Variants in NBEA observed in about 807,000 individuals in gnomAD.
NBEA encodes the protein lysosomal-trafficking regulator 2.
NBEA carries 44 observed loss-of-function variants against 343.4 expected under a neutral mutation model. The ratio of observed to expected loss-of-function variants is 0.13; its 90% CI spans 0.10 to 0.16. The LOEUF is 0.16. Among genes scored for constraint, NBEA ranks in the 10% least tolerant of loss-of-function variants. The probability of loss-of-function intolerance (pLI) is 1.00; values close to 1 mark genes in which losing one functional copy is unlikely to be tolerated. For synonymous variants in NBEA, 1,175 were observed against 1,238.7 expected (o/e 0.95, Z 1.08); for missense variants, 2,555 against 3,631.3 (o/e 0.70, Z 7.62).
chr13:35,371,411 A>G (rs1196744567), intron 38 of NBEA, among the ~76,000 whole-genome samples: 1 of 151,324 alleles, frequency 6.6e-6, no homozygotes, highest in Non-Finnish European at 1.5e-5. Context: ...AAGCTTTCTA[A>G]TGTATTTTTT....
At chr13:35,121,579 T>C (rs2066802317) in intron 16 of NBEA, among the ~76,000 whole-genome samples, 1 of 151,812 alleles carries the variant, frequency 6.6e-6, no homozygotes, top group African/African-American at 2.4e-5. Context: ...TGGATTTCAG[T>C]GTAAACCCAT....
At chr13:35,524,753 T>G (rs1221532905) in intron 41 of NBEA, among the ~76,000 whole-genome samples, 1 of 152,214 alleles carries the variant, frequency 6.6e-6, no homozygotes, top group African/African-American at 2.4e-5. Flanking sequence ...GATTTATGTA[T>G]CATAGAAAAG....
At chr13:35,207,093 A>G (rs1306222924) in intron 31 of NBEA, among the ~76,000 whole-genome samples, 1 of 152,062 alleles carries the variant, frequency 6.6e-6, no homozygotes, top group Non-Finnish European at 1.5e-5. Context: ...ATTTAAGATT[A>G]TAATACCTTA....
chr13:35,490,609 T>C lies in NBEA; in HGVS notation c.6585+18073T>C, dbSNP rs550395840. Among the ~76,000 whole-genome samples, 22 of 152,112 alleles carry C rather than the reference T, an allele frequency of 1.4e-4. No individual in the cohort carries two copies. In the South Asian group the frequency reaches 4.6e-3, roughly 32 times the overall value. The stretch of plus-strand genomic sequence containing the variant: ...TCGAAAACATGTCTTAGGAACTTGA[T>C]GAAAAGTTGCAGGTCATTTTTTTAA... On this transcript the variant is annotated intron_variant, in intron 41 of 58. Coordinates refer to ENST00000379939, the MANE Select transcript of NBEA (RefSeq NM_001385012.1).
At chr13:35,376,801 A>T (rs752292778) in intron 38 of NBEA, among the ~76,000 whole-genome samples, 28 of 152,222 alleles carry the variant, frequency 1.8e-4, no homozygotes, top group South Asian at 4.2e-4. Flanking sequence ...GGGGTTTTGA[A>T]GTTGTGGGCA....
chr13:34,976,681 G>T (rs1478639146), intron 1 of NBEA, among the ~76,000 whole-genome samples: 1 of 144,944 alleles, frequency 6.9e-6, no homozygotes, highest in African/African-American at 2.6e-5. Flanking sequence ...ATGGAGCAGA[G>T]ACTCAGACAA....
At chr13:35,592,068 ATAAGAACAACC>A (rs1225119637) in intron 46 of NBEA, among the ~76,000 whole-genome samples, 1 of 152,134 alleles carries the variant, frequency 6.6e-6, no homozygotes, top group African/African-American at 2.4e-5. Flanking sequence ...CATCAAAAAC[ATAAGAACAACC>A]TAAGAACTCC....
chr13:35,341,400 T>A (rs968963909), intron 36 of NBEA, among the ~76,000 whole-genome samples: 3 of 152,030 alleles, frequency 2.0e-5, no homozygotes, highest in Admixed American at 1.3e-4. Flanking sequence ...TTGATAGTCA[T>A]CAAAATTTAA....
chr13:35,637,583 G>A (rs2083746902), intron 49 of NBEA, among the ~76,000 whole-genome samples: 1 of 152,092 alleles, frequency 6.6e-6, no homozygotes, highest in Non-Finnish European at 1.5e-5. Context: ...CAGCACTTTG[G>A]GAGGCTGAGG....
chr13:35,665,091 A>G lies in NBEA; in HGVS notation c.8369A>G (p.Tyr2790Cys), dbSNP rs1431620732. Residue 2790 changes from tyrosine (Y) to cysteine (C), a missense_variant, in exon 56 of 59, where the codon TAT becomes TGT. Physicochemically the swap from Tyr to Cys is radical, Grantham distance 194 (BLOSUM62 -2). Coordinates refer to ENST00000379939, the MANE Select transcript of NBEA (RefSeq NM_001385012.1). ...IIGDNPNSSD[Y>C]PAPRAVLTGH... is the part of the protein sequence containing the mutation. Reference sequence around the variant, plus strand: ...TGCTGCTGTTTTCTTGCAGGTGACTATCCGGCACCAAGAGCCGTCCTCACA... The same window carrying G: ...TGCTGCTGTTTTCTTGCAGGTGACTGTCCGGCACCAAGAGCCGTCCTCACA... 1 of 1,568,800 alleles carries G rather than the reference A, an allele frequency of 6.4e-7. No individual in the cohort carries two copies. The highest frequency in any genetic ancestry group is 1.2e-5 in the South Asian group (1 of 85,386).
chr13:35,126,567 A>G (rs1016124512), intron 17 of NBEA, among the ~76,000 whole-genome samples: 7 of 152,198 alleles, frequency 4.6e-5, no homozygotes, highest in African/African-American at 1.7e-4. Context: ...ATAGATGAAA[A>G]TATGAGTTTA....
chr13:35,166,058 T>G (rs2070000357), intron 24 of NBEA, among the ~76,000 whole-genome samples: 1 of 152,164 alleles, frequency 6.6e-6, no homozygotes, highest in Non-Finnish European at 1.5e-5. Context: ...CTTGATCATA[T>G]AAATTGCATT....
chr13:35,219,016 A>T (rs1236291256), intron 33 of NBEA, among the ~76,000 whole-genome samples: 1 of 152,096 alleles, frequency 6.6e-6, no homozygotes, highest in Admixed American at 6.6e-5. Flanking sequence ...TTAGTTACAG[A>T]TCTCCCAAAA....
At chr13:35,527,875 G>A (rs537773336) in intron 41 of NBEA, among the ~76,000 whole-genome samples, 13 of 152,156 alleles carry the variant, frequency 8.5e-5, no homozygotes, top group African/African-American at 2.4e-4. Flanking sequence ...CGCATCAGCC[G>A]GAGGCTTCCC....
chr13:35,408,177 C>T (rs1737127040), intron 38 of NBEA, among the ~76,000 whole-genome samples: 1 of 152,084 alleles, frequency 6.6e-6, no homozygotes, highest in South Asian at 2.1e-4. Context: ...ACCAATGGAA[C>T]AGAATACAGA....
chr13:35,576,791 A>C (rs2080763418), intron 45 of NBEA, among the ~76,000 whole-genome samples: 1 of 152,320 alleles, frequency 6.6e-6, no homozygotes, highest in East Asian at 1.9e-4. Flanking sequence ...TTATTTGCCA[A>C]TAGCATTATG....
chr13:35,491,752 T>C (rs935977140), intron 41 of NBEA, among the ~76,000 whole-genome samples: 2 of 151,952 alleles, frequency 1.3e-5, no homozygotes, highest in South Asian at 4.1e-4. Context: ...CTAGGGAACA[T>C]AGCTTCTCAC....
intron 38 of NBEA, among the ~76,000 whole-genome samples, chr13:35,411,647 TTTGTTGTTG>T (rs145728162): frequency 2.0e-4 from 29 of 148,644 alleles, no homozygotes; most frequent in Middle Eastern, 3.4e-3. Context: ...TGTTTTTTGT[TTTGTTGTTG>T]TTGTTGTTGT....
intron 41 of NBEA, chr13:35,476,741 G>C: frequency 9.4e-7 from 1 of 1,061,060 alleles, no homozygotes; most frequent in South Asian, 3.4e-5. Flanking sequence ...CCAGGCAGGC[G>C]GGCGGCCAAT....
Sources: allele counts gnomAD v4.1 joint callset (sites outside exome capture counted in the v4.1 genomes callset), GRCh38; gene constraint gnomAD v4.1.1; transcripts MANE v1.5; gene names NCBI Gene and HGNC (gene_info 2026-07-23, HGNC 2026-07-21).